The following GPHN variants were observed in gnomAD, a reference collection of about 807,000 sequenced individuals.
The protein encoded by GPHN is gephyrin.
Under a neutral mutation model 95.5 loss-of-function variants are expected in GPHN, and 17 were observed. That is an observed-to-expected ratio of 0.18 (90% CI 0.12 to 0.27). The LOEUF is 0.27. Among genes scored for constraint, GPHN ranks in the 10% least tolerant of loss-of-function variants. The probability of loss-of-function intolerance (pLI) is 1.00; values close to 1 mark genes in which losing one functional copy is unlikely to be tolerated. For missense variants in GPHN, 660 were observed against 978.1 expected (o/e 0.67, Z 4.34); for synonymous variants, 320 against 322.5 (o/e 0.99, Z 0.08).
At chr14:66,961,900 G>GTGTGTA (rs1177915817) in intron 8 of GPHN, among the ~76,000 whole-genome samples, 21 of 53,006 alleles carry the variant, frequency 4.0e-4, no homozygotes, top group African/African-American at 1.0e-3. Flanking sequence ...CCCTGAATGT[G>GTGTGTA]TATATATATA....
At chr14:67,575,754 G>T in the GPHN span, 1 of 1,158,214 alleles carries the variant, frequency 8.6e-7, no homozygotes, top group South Asian at 1.4e-5. Context: ...CGGAGCCTAT[G>T]TATTCAGAGA....
intron 5 of GPHN, among the ~76,000 whole-genome samples, chr14:66,915,648 A>T (rs948069253): frequency 6.6e-6 from 1 of 152,214 alleles, no homozygotes; most frequent in African/African-American, 2.4e-5. Context: ...GAACATAAAT[A>T]TCACTAGGCA....
chr14:66,792,053 C>G (rs1372750582), intron 3 of GPHN, among the ~76,000 whole-genome samples: 1 of 152,134 alleles, frequency 6.6e-6, no homozygotes, highest in African/African-American at 2.4e-5. Flanking sequence ...ACCATGAGAA[C>G]AGTATGGGGG....
the GPHN span, chr14:67,690,235 TG>T: frequency 1.9e-6 from 3 of 1,613,766 alleles, no homozygotes; most frequent in East Asian, 6.7e-5. Flanking sequence ...GGCCAGTTCC[TG>T]GGTGAAGAGG....
chr14:67,375,231 TCTG>T, the GPHN span, among the ~76,000 whole-genome samples: 1 of 126,420 alleles, frequency 7.9e-6, no homozygotes, highest in Non-Finnish European at 1.6e-5. Context: ...CATCCTCAGT[TCTG>T]TGTGTGTGTG....
At chr14:67,587,199 T>C in the GPHN span, 2 of 1,613,964 alleles carry the variant, frequency 1.2e-6, no homozygotes, top group Non-Finnish European at 1.7e-6. Flanking sequence ...TCTTTTCTTC[T>C]GTTTCCTGTG....
chr14:67,093,474 A>T (rs1378872273), intron 12 of GPHN, among the ~76,000 whole-genome samples: 2 of 152,062 alleles, frequency 1.3e-5, no homozygotes, highest in African/African-American at 4.8e-5. Flanking sequence ...TCTGCAATTC[A>T]TTTGACAGCC....
the GPHN span, among the ~76,000 whole-genome samples, chr14:67,694,303 G>A: frequency 6.6e-6 from 1 of 152,002 alleles, no homozygotes; most frequent in Admixed American, 6.6e-5. Context: ...CTCCAGGAGT[G>A]ACAACTTAGT....
Position 67,134,953 on chromosome 14 carries a change from C to CTTCTTT in GPHN, c.1749-8407_1749-8406insCTTTTT, listed in dbSNP as rs573340363. Among the ~76,000 whole-genome samples the CTTCTTT allele has an allele frequency of 2.9e-3, 133 of 45,252 alleles. 3 individuals are homozygous for CTTCTTT. Among genetic ancestry groups the CTTCTTT allele is most frequent in the Non-Finnish European group, 5.1e-3 (121 of 23,720 alleles). The allele number at this position is 45,252 out of a possible 152,430, so 29.7% of individuals were successfully genotyped here. A position where few individuals can be genotyped will look rare whatever the true frequency, so the allele number is the denominator to read the frequency against. ...CTTTTTTTCTCTTTCTTTCTTTCTT[C>CTTCTTT]TTTTTTTTTTTTTTTTTTTTTTTTT... On this transcript the variant is annotated intron_variant, in intron 17 of 22. Coordinates refer to ENST00000478722, the MANE Select transcript of GPHN (RefSeq NM_020806.5).
chr14:67,367,619 G>A, the GPHN span, among the ~76,000 whole-genome samples: 3 of 137,760 alleles, frequency 2.2e-5, no homozygotes, highest in African/African-American at 3.1e-5. Context: ...GGCACGTTGC[G>A]TGAACTCACA....
chr14:67,166,183 A>G (rs1024547283), intron 20 of GPHN, among the ~76,000 whole-genome samples: 1 of 152,242 alleles, frequency 6.6e-6, no homozygotes, highest in African/African-American at 2.4e-5. Context: ...CTATAAGCAT[A>G]AAAGAGATTA....
intron 9 of GPHN, among the ~76,000 whole-genome samples, chr14:66,992,438 T>C (rs2071500884): frequency 6.6e-6 from 1 of 152,184 alleles, no homozygotes; most frequent in East Asian, 1.9e-4. Flanking sequence ...TTAAGAAAAA[T>C]ACCTGAATCA....
chr14:67,469,125 G>A, the GPHN span, among the ~76,000 whole-genome samples: 139 of 152,212 alleles, frequency 9.1e-4, no homozygotes, highest in Non-Finnish European at 1.6e-3. Context: ...TTTTCATAAG[G>A]GAAAAAGCTT....
the GPHN span, chr14:67,241,904 C>G: frequency 4.6e-5 from 7 of 152,152 alleles, no homozygotes; most frequent in African/African-American, 1.7e-4. Flanking sequence ...CTCTCCCGGC[C>G]GGGTCTGGGA....
chr14:67,513,517 C>A, the GPHN span, among the ~76,000 whole-genome samples: 1 of 152,224 alleles, frequency 6.6e-6, no homozygotes, highest in Non-Finnish European at 1.5e-5. Context: ...GTTGTCCCCA[C>A]CCAACGCCTG....
the GPHN span, among the ~76,000 whole-genome samples, chr14:67,512,171 C>T: frequency 6.6e-6 from 1 of 152,180 alleles, no homozygotes; most frequent in East Asian, 1.9e-4. Flanking sequence ...CCAACACATG[C>T]ATTCTCACAC....
intron 2 of GPHN, among the ~76,000 whole-genome samples, chr14:66,710,462 A>G (rs2069512045): frequency 6.6e-6 from 1 of 152,190 alleles, no homozygotes; most frequent in Non-Finnish European, 1.5e-5. Flanking sequence ...CTTTTTTCAC[A>G]TACATGTGAA....
chr14:67,550,092 C>T, the GPHN span, among the ~76,000 whole-genome samples: 28 of 149,808 alleles, frequency 1.9e-4, no homozygotes, highest in African/African-American at 6.6e-4. Context: ...TTCCCAGCTC[C>T]GTATTTGTGT....
At chr14:67,413,339 C>T in the GPHN span, among the ~76,000 whole-genome samples, 1 of 151,946 alleles carries the variant, frequency 6.6e-6, no homozygotes, top group Admixed American at 6.6e-5. Context: ...TGGGCTCAAG[C>T]AGTCCTCCTG....
Sources: gnomAD v4.1 joint callset for allele counts (sites outside exome capture counted in the v4.1 genomes callset) on GRCh38, gnomAD v4.1.1 for gene constraint, MANE v1.5 for transcripts, NCBI Gene and HGNC (gene_info 2026-07-23, HGNC 2026-07-21) for gene names.